Variants in ATP2B4 observed in about 807,000 individuals in gnomAD.
The protein encoded by ATP2B4 is plasma membrane calcium-transporting ATPase 4.
In ATP2B4, 39 loss-of-function variants were observed where a neutral mutation model predicts 110.3. That is an observed-to-expected ratio of 0.35 (90% CI 0.27 to 0.46). ATP2B4 has a LOEUF of 0.46. Ranked by LOEUF, ATP2B4 falls within the 20% of genes least tolerant of loss-of-function variation. The pLI, the probability that ATP2B4 is intolerant of heterozygous loss-of-function variation, is 1.00. For missense variants in ATP2B4, 1,135 were observed against 1,530.9 expected (o/e 0.74, Z 4.32); for synonymous variants, 538 against 571.7 (o/e 0.94, Z 0.84).
intron 1 of ATP2B4, among the ~76,000 whole-genome samples, chr1:203,631,302 C>G (rs1367482128): frequency 2.0e-5 from 3 of 152,242 alleles, no homozygotes; most frequent in Non-Finnish European, 4.4e-5. Context: ...GATCCTCAGC[C>G]TCATTACTCA....
At position 203,711,100 on chromosome 1, in the gene ATP2B4, C is replaced by T. The variant is rs768557155; in HGVS notation, c.2023C>T (p.Arg675Cys). ...GGTGGTGGGCATTGAGGACCCTGTG[C>T]GCCCAGAGGTGAGAGGGTGGGAAGC... The part of the protein sequence containing the change: ...IAVVGIEDPV[R>C]PEVPDAIAKC... Residue 675 changes from arginine (R) to cysteine (C), a missense_variant, in exon 12 of 21, where the codon CGC (arginine) becomes TGC (cysteine). Physicochemically the swap from Arg to Cys is radical, Grantham distance 180 (BLOSUM62 -3). Transcript: ENST00000357681. 3 of 1,614,008 alleles carry T rather than the reference C, an allele frequency of 1.9e-6. No individual in the cohort carries two copies. Among genetic ancestry groups the T allele is most frequent in the South Asian group, 1.1e-5 (1 of 91,070 alleles).
intron 2 of ATP2B4, among the ~76,000 whole-genome samples, chr1:203,693,357 G>A (rs555927193): frequency 6.6e-6 from 1 of 152,164 alleles, no homozygotes; most frequent in Non-Finnish European, 1.5e-5. Flanking sequence ...ACAGCTAAGA[G>A]CCTTGACCTG....
chr1:203,739,781 A>T lies in ATP2B4; in HGVS notation c.3545A>T (p.Asn1182Ile). The stretch of plus-strand genomic sequence containing the variant: ...ACTCCATATGCCAATACAAACAACA[A>T]TGCGGTGGATTGCAACCAAGTGCAG... ...EVTPYANTNN[N>I]AVDCNQVQLP... The change falls in exon 21 of 21, where the codon AAT (asparagine) becomes ATT (isoleucine). Residue 1182 changes from asparagine (N) to isoleucine (I), a missense_variant. Transcript: ENST00000357681. 1 of 1,614,198 alleles carries T rather than the reference A, an allele frequency of 6.2e-7. No individual in the cohort carries two copies. Among genetic ancestry groups the T allele is most frequent in the South Asian group, 1.1e-5 (1 of 91,074 alleles).
intron 1 of ATP2B4, among the ~76,000 whole-genome samples, chr1:203,668,076 A>G (rs188746485): frequency 6.6e-6 from 1 of 152,188 alleles, no homozygotes; most frequent in Non-Finnish European, 1.5e-5. Context: ...ATCCTTGTGT[A>G]GTGGTGGGGA....
chr1:203,627,439 A>T (rs917586615), intron 1 of ATP2B4, among the ~76,000 whole-genome samples: 2 of 152,122 alleles, frequency 1.3e-5, no homozygotes, highest in African/African-American at 4.8e-5. Context: ...CAAGTGATTT[A>T]TCTCTCTTTT....
intron 6 of ATP2B4, among the ~76,000 whole-genome samples, chr1:203,701,720 G>C (rs1287204635): frequency 6.6e-6 from 1 of 152,222 alleles, no homozygotes; most frequent in Non-Finnish European, 1.5e-5. Flanking sequence ...CCATCAGGCA[G>C]AAACGGTTCA....
At chr1:203,704,115 A>G (rs1665776503) in intron 8 of ATP2B4, among the ~76,000 whole-genome samples, 1 of 152,232 alleles carries the variant, frequency 6.6e-6, no homozygotes, top group Non-Finnish European at 1.5e-5. Flanking sequence ...AAGAAGGAAG[A>G]CTTTAATAAC....
chr1:203,729,576 G>T (rs748101109), intron 20 of ATP2B4: 4 of 477,352 alleles, frequency 8.4e-6, no homozygotes, highest in Non-Finnish European at 1.6e-5. Context: ...GAAGAAAAGT[G>T]GATTGCAGAC....
intron 2 of ATP2B4, among the ~76,000 whole-genome samples, chr1:203,695,398 C>G (rs1665503303): frequency 6.6e-6 from 1 of 152,230 alleles, no homozygotes; most frequent in Non-Finnish European, 1.5e-5. Flanking sequence ...CTGGCTTTCC[C>G]TCCTACTGGG....
intron 20 of ATP2B4, among the ~76,000 whole-genome samples, chr1:203,734,493 G>A (rs1042110489): frequency 6.6e-6 from 1 of 152,108 alleles, no homozygotes; most frequent in Admixed American, 6.6e-5. Context: ...GATCACCTGA[G>A]GTCAGGAGTT....
At chr1:203,730,976 C>T (rs915519681) in intron 20 of ATP2B4, among the ~76,000 whole-genome samples, 16 of 152,208 alleles carry the variant, frequency 1.1e-4, no homozygotes, top group Admixed American at 6.5e-5. Context: ...CCTGCCACCT[C>T]CACGTTGATC....
At chr1:203,725,904 C>CTTTTTTTTTTTTTTTTT (rs756184004) in intron 19 of ATP2B4, among the ~76,000 whole-genome samples, 20 of 93,366 alleles carry the variant, frequency 2.1e-4, no homozygotes, top group African/African-American at 3.6e-4. Context: ...CTTTTCTTTT[C>CTTTTTTTTTTTTTTTTT]TTTTTTTTTT....
intron 1 of ATP2B4, among the ~76,000 whole-genome samples, chr1:203,676,139 C>T (rs1664821962): frequency 6.6e-6 from 1 of 152,170 alleles, no homozygotes; most frequent in Non-Finnish European, 1.5e-5. Flanking sequence ...ATGATGATGA[C>T]AAGTGGTCCC....
intron 15 of ATP2B4, among the ~76,000 whole-genome samples, chr1:203,715,883 A>G (rs927280300): frequency 4.1e-5 from 6 of 144,908 alleles, no homozygotes; most frequent in African/African-American, 1.5e-4. Context: ...CAGTAGCTGT[A>G]CTAGCTGTAT....
rs145839216 is a variant in ATP2B4 at position 203,703,665 on chromosome 1, C to T, written c.951C>T (p.Asp317=). 116 of 1,613,948 alleles carry T rather than the reference C, an allele frequency of 7.2e-5. No homozygotes were observed. Among genetic ancestry groups the T allele is most frequent in the African/African-American group, 6.1e-4 (46 of 75,002 alleles). ...TGTACACTCCAGCAAAGACCCAAGA[C>T]GGAGTGGCCCTGGAAATCCAGCCAC... ...PENRNKAKTQ[D]GVALEIQPLN... The change falls in exon 8 of 21, where the codon GAC becomes GAT. Residue 317 remains aspartate (D), a synonymous_variant. Coordinates refer to ENST00000357681, the MANE Select transcript of ATP2B4 (RefSeq NM_001684.5).
At chr1:203,682,294 G>A (rs1191767634) in intron 1 of ATP2B4, among the ~76,000 whole-genome samples, 1 of 152,134 alleles carries the variant, frequency 6.6e-6, no homozygotes, top group Non-Finnish European at 1.5e-5. Flanking sequence ...CAGACTGACA[G>A]GCCACCCTTC....
intron 1 of ATP2B4, among the ~76,000 whole-genome samples, chr1:203,670,479 G>A (rs984704504): frequency 2.6e-5 from 4 of 152,134 alleles, no homozygotes; most frequent in East Asian, 1.9e-4. Context: ...GCGCCCGGCC[G>A]AGTTCATACT....
At chr1:203,739,222 A>C (rs536236771) in intron 20 of ATP2B4, among the ~76,000 whole-genome samples, 1 of 152,304 alleles carries the variant, frequency 6.6e-6, no homozygotes, top group East Asian at 1.9e-4. Context: ...AGAACTAATG[A>C]AACTTCTTGT....
intron 1 of ATP2B4, among the ~76,000 whole-genome samples, chr1:203,660,624 A>AC (rs538629327): frequency 1.3e-5 from 2 of 151,962 alleles, no homozygotes; most frequent in South Asian, 4.2e-4. Context: ...ACATGGTGAA[A>AC]CCCCATCTCT....
Sources: allele counts gnomAD v4.1 joint callset (sites outside exome capture counted in the v4.1 genomes callset), GRCh38; gene constraint gnomAD v4.1.1; transcripts MANE v1.5; gene names NCBI Gene and HGNC (gene_info 2026-07-23, HGNC 2026-07-21).